LRRC4C: variants seen among roughly 807,000 people sequenced by gnomAD.
LRRC4C encodes the protein leucine rich repeat containing 4C.
In LRRC4C, 5 loss-of-function variants were observed where a neutral mutation model predicts 33.6. The ratio of observed to expected loss-of-function variants is 0.15; its 90% confidence interval spans 0.08 to 0.31. The LOEUF is 0.31. LRRC4C is among the 10% of genes least tolerant of loss of function. The pLI is 1.00. For missense variants in LRRC4C, 560 were observed against 796.7 expected (o/e 0.70, Z 3.58); for synonymous variants, 329 against 302.0 (o/e 1.09, Z -0.93).
At chr11:40,883,493 T>C (rs1032519152) in intron 2 of LRRC4C, among the ~76,000 whole-genome samples, 2 of 152,082 alleles carry the variant, frequency 1.3e-5, no homozygotes, top group African/African-American at 4.8e-5. Context: ...AATGCTTTAA[T>C]ATAGGAAGAA....
chr11:40,947,186 T>C (rs1958442490), intron 1 of LRRC4C, among the ~76,000 whole-genome samples: 2 of 152,206 alleles, frequency 1.3e-5, no homozygotes, highest in Non-Finnish European at 1.5e-5. Context: ...TGTATGACTT[T>C]TTTATGTTGA....
chr11:40,661,631 T>C (rs1943444317), intron 2 of LRRC4C, among the ~76,000 whole-genome samples: 1 of 152,214 alleles, frequency 6.6e-6, no homozygotes, highest in South Asian at 2.1e-4. Context: ...TAACTAAAAG[T>C]GTTTCAGTTC....
At chr11:41,259,538 T>C (rs1384179446) in intron 1 of LRRC4C, among the ~76,000 whole-genome samples, 2 of 152,032 alleles carry the variant, frequency 1.3e-5, no homozygotes, top group Admixed American at 6.6e-5. Context: ...GGCTTGACAA[T>C]CTGGGATACA....
At chr11:40,628,887 T>C (rs1963214156) in intron 3 of LRRC4C, among the ~76,000 whole-genome samples, 1 of 152,200 alleles carries the variant, frequency 6.6e-6, no homozygotes, top group African/African-American at 2.4e-5. Flanking sequence ...AGTACATTGA[T>C]TAATTTTCTT....
chr11:41,273,242 A>C (rs1949375016), intron 1 of LRRC4C, among the ~76,000 whole-genome samples: 1 of 152,158 alleles, frequency 6.6e-6, no homozygotes, highest in Non-Finnish European at 1.5e-5. Context: ...GAGGTTTCAT[A>C]GAACTACCGC....
intron 4 of LRRC4C, among the ~76,000 whole-genome samples, chr11:40,299,518 A>G (rs1403015608): frequency 6.6e-6 from 1 of 152,248 alleles, no homozygotes; most frequent in Non-Finnish European, 1.5e-5. Context: ...GTACAATGAC[A>G]AGATACCACA....
rs1219686303 is a variant in LRRC4C, at chr11:41,368,888, T to TA, written c.-496+90542dup. Reference sequence around the variant, plus strand: ...AATATCCATTGTAAGAACCCATTTGTAGACAGACATGTTATGGCTGACCTT... The same window carrying TA: ...AATATCCATTGTAAGAACCCATTTGTAAGACAGACATGTTATGGCTGACCTT... On this transcript the variant is annotated intron_variant, in intron 1 of 6. Transcript: ENST00000528697. Among the ~76,000 whole-genome samples, 8 of 152,354 alleles carry TA rather than the reference T, an allele frequency of 5.3e-5. No homozygotes were observed. The East Asian group carries it at 1.3e-3, about 26-fold the overall frequency.
chr11:40,695,324 G>A (rs1945441235), intron 2 of LRRC4C, among the ~76,000 whole-genome samples: 1 of 152,046 alleles, frequency 6.6e-6, no homozygotes, highest in Admixed American at 6.6e-5. Context: ...TGACATATTT[G>A]TGTATTTTTA....
intron 1 of LRRC4C, among the ~76,000 whole-genome samples, chr11:41,149,510 CAAAAAAAA>C (rs57914595): frequency 3.6e-5 from 2 of 55,522 alleles, no homozygotes; most frequent in Non-Finnish European, 7.1e-5. Flanking sequence ...ACTCCGTCTC[CAAAAAAAA>C]AAAAAAAAAA....
At chr11:40,190,624 C>A (rs1861761335) in intron 5 of LRRC4C, among the ~76,000 whole-genome samples, 1 of 152,132 alleles carries the variant, frequency 6.6e-6, no homozygotes, top group South Asian at 2.1e-4. Context: ...ATGCTTTGAA[C>A]ACGAATTTTA....
chr11:40,766,444 G>C (rs1219972920), intron 2 of LRRC4C, among the ~76,000 whole-genome samples: 1 of 135,956 alleles, frequency 7.4e-6, no homozygotes, highest in African/African-American at 2.7e-5. Flanking sequence ...AAAGTACATA[G>C]ACAAATACAG....
At chr11:40,823,207 C>T (rs181718474) in intron 2 of LRRC4C, among the ~76,000 whole-genome samples, 10 of 151,752 alleles carry the variant, frequency 6.6e-5, no homozygotes, top group Admixed American at 5.9e-4. Flanking sequence ...TAATTGTAAG[C>T]ATTAAAATTA....
At chr11:40,961,110 A>C (rs781313974) in intron 1 of LRRC4C, among the ~76,000 whole-genome samples, 3 of 151,712 alleles carry the variant, frequency 2.0e-5, no homozygotes, top group Non-Finnish European at 4.4e-5. Flanking sequence ...TGGAAAGGTT[A>C]AGATGAACAG....
chr11:41,114,704 GGATAT>G (rs1942026307), intron 1 of LRRC4C, among the ~76,000 whole-genome samples: 1 of 151,918 alleles, frequency 6.6e-6, no homozygotes, highest in African/African-American at 2.4e-5. Flanking sequence ...TTTATGACAA[GGATAT>G]AATACAGTAC....
In LRRC4C at chr11:40,391,260, T is replaced by A. The variant is rs1590579986; in HGVS notation, c.-269-71539A>T. ...ATTTCTGGCTCACATTTATACTCAG[T>A]ACGTAGTTGTTGAGAATGCATGAAC... On this transcript the variant is annotated intron_variant, in intron 3 of 6. Transcript: ENST00000528697. Among the ~76,000 whole-genome samples the A allele has an allele frequency of 2.0e-5, 3 of 152,294 alleles. No homozygotes were observed. In the South Asian group the frequency reaches 6.2e-4, roughly 32 times the overall value.
intron 2 of LRRC4C, among the ~76,000 whole-genome samples, chr11:40,699,542 G>A (rs879401419): frequency 6.6e-6 from 1 of 152,126 alleles, no homozygotes; most frequent in Non-Finnish European, 1.5e-5. Flanking sequence ...CCAATGCCAT[G>A]TTGACTCGAC....
At chr11:40,861,063 G>A (rs1325806011) in intron 2 of LRRC4C, among the ~76,000 whole-genome samples, 1 of 152,028 alleles carries the variant, frequency 6.6e-6, no homozygotes, top group African/African-American at 2.4e-5. Flanking sequence ...TATGTTGGAA[G>A]TGAACACAAG....
At chr11:41,151,853 A>G (rs1944014914) in intron 1 of LRRC4C, among the ~76,000 whole-genome samples, 1 of 152,256 alleles carries the variant, frequency 6.6e-6, no homozygotes, top group African/African-American at 2.4e-5. Context: ...ATTTAATAAA[A>G]TACTTAGAAA....
chr11:40,321,459 A>G (rs1212919069), intron 3 of LRRC4C, among the ~76,000 whole-genome samples: 2 of 152,230 alleles, frequency 1.3e-5, no homozygotes, highest in Non-Finnish European at 2.9e-5. Flanking sequence ...ATTAAGCTTC[A>G]TAACTATGCT....
Sources: allele counts gnomAD v4.1 joint callset (sites outside exome capture counted in the v4.1 genomes callset), GRCh38; gene constraint gnomAD v4.1.1; transcripts MANE v1.5; gene names NCBI Gene and HGNC (gene_info 2026-07-23, HGNC 2026-07-21).